Variants in FAR1 observed in about 807,000 individuals in gnomAD.
FAR1 encodes the protein fatty acyl-CoA reductase 1, also known as male sterility domain-containing protein 2.
Under a neutral mutation model 61.1 loss-of-function variants are expected in FAR1, and 22 were observed. The observed-to-expected ratio is 0.36, with a 90% CI of 0.26 to 0.51. The LOEUF is 0.51. Ranked by LOEUF, FAR1 falls within the 20% of genes least tolerant of loss-of-function variation. FAR1 has a pLI of 0.95. For synonymous variants in FAR1, 206 were observed against 209.7 expected (o/e 0.98, Z 0.15); for missense variants, 359 against 626.9 (o/e 0.57, Z 4.56).
intron 1 of FAR1, among the ~76,000 whole-genome samples, chr11:13,683,428 G>T (rs185822294): frequency 1.3e-5 from 2 of 152,120 alleles, no homozygotes; most frequent in Non-Finnish European, 2.9e-5. Context: ...GGATATGGGT[G>T]TGTTAAACAC....
At chr11:13,696,577 A>G (rs965753811) in intron 2 of FAR1, among the ~76,000 whole-genome samples, 1 of 152,184 alleles carries the variant, frequency 6.6e-6, no homozygotes, top group Non-Finnish European at 1.5e-5. Flanking sequence ...ATTGAACTTC[A>G]GTGGTTTAGC....
At chr11:13,711,088 A>C in intron 5 of FAR1, 1 of 498,026 alleles carries the variant, frequency 2.0e-6, no homozygotes. Context: ...CATTTAAAAA[A>C]TCCTAAGTGA....
intron 1 of FAR1, among the ~76,000 whole-genome samples, chr11:13,683,797 A>G (rs1173351851): frequency 2.6e-5 from 4 of 152,208 alleles, no homozygotes; most frequent in Non-Finnish European, 5.9e-5. Context: ...GGTGGTAGAA[A>G]TTTTTAGGTA....
chr11:13,720,114 T>G lies in FAR1; in HGVS notation c.1128-1616T>G, dbSNP rs544728569. 364 of 152,252 alleles carry G rather than the reference T, an allele frequency of 2.4e-3. 1 individual carries two copies. Among genetic ancestry groups the G allele is most frequent in the African/African-American group, 8.5e-3 (355 of 41,566 alleles). 9.4% of individuals were successfully genotyped at this position (152,252 alleles called of 1,614,324 possible). A position where few individuals can be genotyped will look rare whatever the true frequency, so the allele number is the denominator to read the frequency against. The stretch of plus-strand genomic sequence containing the variant: ...TATGGCCTTTCAAATTTCTTCCCCC[T>G]CCCCGATTTTTTATTGCAATTATTT... On this transcript the variant is annotated intron_variant, in intron 9 of 11. Coordinates refer to ENST00000354817, the MANE Select transcript of FAR1 (RefSeq NM_032228.6).
At position 13,705,936 on chromosome 11, in the gene FAR1, G is replaced by A. The variant is rs76752368; in HGVS notation, c.366-1964G>A. Reference sequence around the variant, plus strand: ...CCTATCCCCATTGTTTTGCAAATGTGATAGACATCAAAGCACTGCTTCACT... The same window carrying A: ...CCTATCCCCATTGTTTTGCAAATGTAATAGACATCAAAGCACTGCTTCACT... On this transcript the variant is annotated intron_variant, in intron 3 of 11. Coordinates refer to ENST00000354817, the MANE Select transcript of FAR1 (RefSeq NM_032228.6). 3.9e-3 allele frequency among the ~76,000 whole-genome samples: 588 copies of A among 152,212 alleles called. 1 individual carries two copies. The highest frequency in any genetic ancestry group is 0.013 in the African/African-American group (553 of 41,528).
chr11:13,721,822 A>G lies in FAR1; in HGVS notation c.1220A>G (p.Asn407Ser), dbSNP rs140610185. The G allele has an allele frequency of 2.0e-5, 33 of 1,610,296 alleles. No homozygotes were observed. The highest frequency in any genetic ancestry group is 1.7e-4 in the Middle Eastern group (1 of 6,044). ...TGGGTTTGGAATACTGAGAATGTCA[A>G]TATGTTAATGAATCAACTAAACCCT... ...NSWVWNTENV[N>S]MLMNQLNPED... Residue 407 changes from asparagine (N) to serine (S), a missense_variant, in exon 10 of 12, where the codon AAT (asparagine) becomes AGT (serine). This residue lies in a region of FAR1 where 344 missense variants were observed against 570.3 expected (regional missense o/e 0.60). Coordinates refer to ENST00000354817, the MANE Select transcript of FAR1 (RefSeq NM_032228.6). This position sits in a 1 kb window ranked among gnomAD's most constrained non-coding sequence, Gnocchi z 4.2.
At chr11:13,710,359 C>T (rs1160311566) in intron 4 of FAR1, among the ~76,000 whole-genome samples, 1 of 151,590 alleles carries the variant, frequency 6.6e-6, no homozygotes, top group African/African-American at 2.4e-5. Flanking sequence ...GGTTAGTATC[C>T]CTGATCAAAT....
intron 1 of FAR1, among the ~76,000 whole-genome samples, chr11:13,681,502 A>G (rs1341260172): frequency 6.6e-6 from 1 of 152,238 alleles, no homozygotes; most frequent in African/African-American, 2.4e-5. Flanking sequence ...CTTGTAGCCA[A>G]TAGAATGTGG....
Position 13,706,183 on chromosome 11 carries a change from CAT to C in FAR1, c.366-1715_366-1714del, listed in dbSNP as rs199809586. 9.2e-3 allele frequency among the ~76,000 whole-genome samples: 1,396 copies of C among 151,546 alleles called. 14 individuals are homozygous for C. The highest frequency in any genetic ancestry group is 0.032 in the African/African-American group (1,310 of 41,336). Reference sequence around the variant, plus strand: ...AAATTTCTGTATTTCTAATTTTTTCCATAGTTATAATTTTAGTGATTTGATGA... The same window carrying C: ...AAATTTCTGTATTTCTAATTTTTTCCAGTTATAATTTTAGTGATTTGATGA... On this transcript the variant is annotated intron_variant, in intron 3 of 11. Transcript: ENST00000354817.
At chr11:13,672,229 A>T (rs1217920992) in intron 1 of FAR1, among the ~76,000 whole-genome samples, 1 of 151,832 alleles carries the variant, frequency 6.6e-6, no homozygotes, top group Non-Finnish European at 1.5e-5. Context: ...TGATGGTATG[A>T]CCCCTTGTAA....
At chr11:13,700,287 T>C (rs1848356144) in intron 2 of FAR1, 30 bp from the exon 3 acceptor site, 1 of 1,512,140 alleles carries the variant, frequency 6.6e-7, no homozygotes, top group Non-Finnish European at 8.9e-7. Flanking sequence ...AAAATACTGC[T>C]GTAAAATAAA....
At chr11:13,705,461 C>T (rs759163246) in intron 3 of FAR1, among the ~76,000 whole-genome samples, 1 of 152,080 alleles carries the variant, frequency 6.6e-6, no homozygotes, top group Non-Finnish European at 1.5e-5. Flanking sequence ...CCCTTATTTT[C>T]GGTGACCTAG....
intron 1 of FAR1, among the ~76,000 whole-genome samples, chr11:13,677,453 G>T (rs954875212): frequency 6.6e-6 from 1 of 152,198 alleles, no homozygotes; most frequent in Non-Finnish European, 1.5e-5. Flanking sequence ...TTTTTGAGAA[G>T]AGAGTTTGTT....
chr11:13,708,002 C>A lies in FAR1; in HGVS notation c.468C>A (p.Ala156=), dbSNP rs779827580. ...TCATGCATGTATCAACAGCATATGCCTACTGTAATCGCAAGCATATTGATG... is the reference window on the plus strand; with the variant it reads ...TCATGCATGTATCAACAGCATATGCATACTGTAATCGCAAGCATATTGATG... ...EVFMHVSTAY[A]YCNRKHIDEV... is the part of the protein sequence containing the mutation. Residue 156 remains alanine (A), a synonymous_variant, in exon 4 of 12, where the codon GCC becomes GCA. Coordinates refer to ENST00000354817, the MANE Select transcript of FAR1 (RefSeq NM_032228.6). 6.2e-7 allele frequency: 1 copy of A among 1,608,020 alleles called. No individual in the cohort carries two copies. Among genetic ancestry groups the A allele is most frequent in the Non-Finnish European group, 8.5e-7 (1 of 1,176,626 alleles).
chr11:13,732,138 T>A lies in FAR1; in HGVS notation c.*3364T>A, dbSNP rs1262880447. ...TTGTCTCTGTGATAAAAAAAAAAAA[T>A]GAAATATTTTCTTATTGAATTAATA... On this transcript the variant is annotated 3_prime_UTR_variant, in exon 12 of 12. Coordinates refer to ENST00000354817, the MANE Select transcript of FAR1 (RefSeq NM_032228.6). 4.6e-5 allele frequency: 7 copies of A among 150,790 alleles called. No individual in the cohort carries two copies. The highest frequency in any genetic ancestry group is 9.8e-5 in the African/African-American group (4 of 40,904). 9.3% of individuals were successfully genotyped at this position (150,790 alleles called of 1,614,324 possible). A position where few individuals can be genotyped will look rare whatever the true frequency, so the allele number is the denominator to read the frequency against.
chr11:13,698,319 C>T (rs146198819), intron 2 of FAR1, among the ~76,000 whole-genome samples: 225 of 152,258 alleles, frequency 1.5e-3, no homozygotes, highest in African/African-American at 5.2e-3. Context: ...TAGATATGGA[C>T]CCTACCCTAA....
chr11:13,680,627 GAA>G (rs928402709), intron 1 of FAR1, among the ~76,000 whole-genome samples: 5 of 152,124 alleles, frequency 3.3e-5, no homozygotes, highest in African/African-American at 1.2e-4. Context: ...AAGCAAGAGA[GAA>G]AGAGGAAGAG....
Position 13,731,227 on chromosome 11 carries a change from CTT to C in FAR1, c.*2454_*2455del, listed in dbSNP as rs368961086. 25 of 152,638 alleles carry C rather than the reference CTT, an allele frequency of 1.6e-4. No homozygotes were observed. Among genetic ancestry groups the C allele is most frequent in the African/African-American group, 5.8e-4 (24 of 41,552 alleles). The allele number at this position is 152,638 out of a possible 1,614,324, so 9.5% of individuals were successfully genotyped here. ...TTGGCAACATTAACATGTCCTAAGA[CTT>C]AGTGCAGAGAAGCTTGGCAGTACGT... is the stretch of plus-strand genomic sequence containing the variant. On this transcript the variant is annotated 3_prime_UTR_variant, in exon 12 of 12. Transcript: ENST00000354817.
Position 13,710,815 on chromosome 11 carries a change from A to G in FAR1, c.668A>G (p.Asn223Ser). ...YVVQQEGAKL[N>S]VAIVRPSIVG... ...GTACAACAAGAAGGAGCAAAACTAA[A>G]TGTGGCAATTGTAAGGCCATCGATT... The change falls in exon 5 of 12, where the codon AAT becomes AGT. Residue 223 changes from asparagine to serine, a missense_variant. This residue lies in a region of FAR1 where 344 missense variants were observed against 570.3 expected (regional missense o/e 0.60). Coordinates refer to ENST00000354817, the MANE Select transcript of FAR1 (RefSeq NM_032228.6). 6.2e-7 allele frequency: 1 copy of G among 1,613,130 alleles called. No individual in the cohort carries two copies. Among genetic ancestry groups the G allele is most frequent in the Non-Finnish European group, 8.5e-7 (1 of 1,179,524 alleles).
Sources: allele counts gnomAD v4.1 joint callset (sites outside exome capture counted in the v4.1 genomes callset), GRCh38; gene constraint gnomAD v4.1.1; regional missense constraint gnomAD v4.1.1; non-coding constraint Gnocchi (gnomAD v3.1); transcripts MANE v1.5; gene names NCBI Gene and HGNC (gene_info 2026-07-23, HGNC 2026-07-21).